Variants in NPAS3 observed in about 807,000 individuals in gnomAD.
NPAS3 encodes neuronal PAS domain protein 3.
In NPAS3, 14 loss-of-function variants were observed where a neutral mutation model predicts 73.1. The observed-to-expected ratio is 0.19, with a 90% confidence interval of 0.13 to 0.30. The LOEUF (loss-of-function observed/expected upper bound fraction) is 0.30. Among genes scored for constraint, NPAS3 ranks in the 10% least tolerant of loss-of-function variants. NPAS3 has a pLI of 1.00. For synonymous variants in NPAS3, 620 were observed against 541.5 expected (o/e 1.14, Z -2.01); for missense variants, 1,096 against 1,250.0 (o/e 0.88, Z 1.86).
intron 2 of NPAS3, among the ~76,000 whole-genome samples, chr14:33,206,773 T>C (rs1412027981): frequency 2.0e-5 from 3 of 152,188 alleles, no homozygotes; most frequent in African/African-American, 7.2e-5. Context: ...CTGTTATTGA[T>C]ATTATGAAAA....
At position 33,301,318 on chromosome 14, in the gene NPAS3, ATATATTTTTTTT is replaced by A. The variant is rs1443327923; in HGVS notation, c.386-65866_386-65855del. On this transcript the variant is annotated intron_variant, in intron 3 of 11. Transcript: ENST00000356141. Reference sequence around the variant, plus strand: ...CTAGGTTTTATCATTATATATATATATATATTTTTTTTTTTTAAATCTAGCTGTAATGGGTTA... The same window carrying A: ...CTAGGTTTTATCATTATATATATATATTTTAAATCTAGCTGTAATGGGTTA... 1.6e-4 allele frequency among the ~76,000 whole-genome samples: 16 copies of A among 97,128 alleles called. 2 individuals are homozygous for A. The highest frequency in any genetic ancestry group is 5.7e-4 in the African/African-American group (13 of 22,810). The allele number at this position is 97,128 out of a possible 152,430, so 63.7% of individuals were successfully genotyped here. A position where few individuals can be genotyped will look rare whatever the true frequency, so the allele number is the denominator to read the frequency against.
intron 1 of NPAS3, among the ~76,000 whole-genome samples, chr14:33,052,890 A>G (rs193169261): frequency 1.3e-5 from 2 of 152,234 alleles, no homozygotes; most frequent in African/African-American, 4.8e-5. Context: ...TATCACTGAA[A>G]ACCAGGGTCC....
intron 2 of NPAS3, among the ~76,000 whole-genome samples, chr14:33,141,402 A>C (rs1048261644): frequency 1.3e-5 from 2 of 152,162 alleles, no homozygotes; most frequent in Admixed American, 1.3e-4. Context: ...CCATTTATTT[A>C]ATGACTTCCT....
At chr14:33,470,699 A>G (rs2139601219) in intron 4 of NPAS3, among the ~76,000 whole-genome samples, 1 of 152,234 alleles carries the variant, frequency 6.6e-6, no homozygotes, top group African/African-American at 2.4e-5. Context: ...TTAACATTCT[A>G]TTTTCTATCA....
At chr14:33,197,535 G>A (rs2046415185) in intron 2 of NPAS3, among the ~76,000 whole-genome samples, 2 of 151,638 alleles carry the variant, frequency 1.3e-5, no homozygotes, top group Non-Finnish European at 2.9e-5. Flanking sequence ...AAAAAAAAAA[G>A]AGAAGGCCAC....
intron 4 of NPAS3, among the ~76,000 whole-genome samples, chr14:33,527,249 G>T (rs762220852): frequency 6.6e-6 from 1 of 152,156 alleles, no homozygotes; most frequent in Non-Finnish European, 1.5e-5. Context: ...TCCGAAGTGA[G>T]CAGGGCATGG....
intron 6 of NPAS3, among the ~76,000 whole-genome samples, chr14:33,697,354 G>A (rs2060412027): frequency 2.0e-5 from 3 of 152,158 alleles, no homozygotes; most frequent in Non-Finnish European, 4.4e-5. Flanking sequence ...TCATCCAGGG[G>A]GTTGGCAGAA....
chr14:33,042,018 T>G (rs1038073068), intron 1 of NPAS3, among the ~76,000 whole-genome samples: 1 of 152,168 alleles, frequency 6.6e-6, no homozygotes, highest in Non-Finnish European at 1.5e-5. Context: ...GTTTTAAGAC[T>G]GGGAGGGTTA....
intron 4 of NPAS3, among the ~76,000 whole-genome samples, chr14:33,513,914 AGTT>A (rs2053178956): frequency 6.6e-6 from 1 of 152,022 alleles, no homozygotes; most frequent in Admixed American, 6.6e-5. Context: ...GGTTAGAAGA[AGTT>A]GGAGGAGAAG....
At chr14:33,363,664 T>C (rs2140402575) in intron 3 of NPAS3, among the ~76,000 whole-genome samples, 1 of 152,356 alleles carries the variant, frequency 6.6e-6, no homozygotes, top group African/African-American at 2.4e-5. Context: ...TTAAATGTCA[T>C]AAAACATTTT....
intron 2 of NPAS3, among the ~76,000 whole-genome samples, chr14:33,161,514 G>A (rs1046477317): frequency 1.3e-5 from 2 of 152,164 alleles, no homozygotes; most frequent in Admixed American, 1.3e-4. Context: ...GAAAACAAGG[G>A]TGAAGAATGA....
chr14:33,475,400 T>A (rs970664427), intron 4 of NPAS3, among the ~76,000 whole-genome samples: 4 of 152,162 alleles, frequency 2.6e-5, no homozygotes, highest in Non-Finnish European at 5.9e-5. Context: ...TTTCTTTACA[T>A]CAAAAATCAT....
At chr14:33,685,393 A>G (rs1431576673) in intron 6 of NPAS3, among the ~76,000 whole-genome samples, 2 of 152,184 alleles carry the variant, frequency 1.3e-5, no homozygotes, top group African/African-American at 4.8e-5. Flanking sequence ...TTGCTTTGAC[A>G]TGCCCAAACA....
At chr14:33,729,479 G>A (rs1215200193) in intron 6 of NPAS3, among the ~76,000 whole-genome samples, 11 of 152,152 alleles carry the variant, frequency 7.2e-5, no homozygotes, top group African/African-American at 2.7e-4. Flanking sequence ...AGGAGCAGCT[G>A]ATCTGTGTAG....
intron 3 of NPAS3, among the ~76,000 whole-genome samples, chr14:33,310,802 C>CACAT (rs2042971402): frequency 7.3e-6 from 1 of 136,694 alleles, no homozygotes; most frequent in South Asian, 2.6e-4. Flanking sequence ...CACACACACA[C>CACAT]ACACACACAC....
intron 1 of NPAS3, among the ~76,000 whole-genome samples, chr14:32,958,684 G>A (rs1327583207): frequency 6.6e-6 from 1 of 152,082 alleles, no homozygotes; most frequent in Non-Finnish European, 1.5e-5. Context: ...TATTGTCCAT[G>A]GCCATTCATA....
At chr14:33,375,344 G>T (rs2046268070) in intron 4 of NPAS3, among the ~76,000 whole-genome samples, 1 of 152,164 alleles carries the variant, frequency 6.6e-6, no homozygotes, top group African/African-American at 2.4e-5. Flanking sequence ...ACAAACTGGA[G>T]TGCTACATTG....
At chr14:33,085,576 C>A (rs73268604) in intron 2 of NPAS3, among the ~76,000 whole-genome samples, 1 of 152,148 alleles carries the variant, frequency 6.6e-6, no homozygotes, top group East Asian at 1.9e-4. Flanking sequence ...TGTGATTAAA[C>A]CAAAGGTTTC....
chr14:33,114,155 C>T (rs989310922), intron 2 of NPAS3, among the ~76,000 whole-genome samples: 3 of 152,010 alleles, frequency 2.0e-5, no homozygotes, highest in Non-Finnish European at 4.4e-5. Context: ...TGTGACTCAG[C>T]CTCCCGAGTA....
Sources: gnomAD v4.1 joint callset for allele counts (sites outside exome capture counted in the v4.1 genomes callset) on GRCh38, gnomAD v4.1.1 for gene constraint, MANE v1.5 for transcripts, NCBI Gene and HGNC (gene_info 2026-07-23, HGNC 2026-07-21) for gene names.